TENM1: variants seen among roughly 807,000 people sequenced by gnomAD.
TENM1 encodes the protein teneurin transmembrane protein 1.
TENM1 carries 35 observed loss-of-function variants against 174.8 expected under a neutral mutation model. The observed-to-expected ratio is 0.20, with a 90% confidence interval of 0.15 to 0.27. The LOEUF (loss-of-function observed/expected upper bound fraction) is 0.27. TENM1 is among the 10% of genes least tolerant of loss of function. TENM1 has a pLI of 1.00. For missense variants in TENM1, 1,633 were observed against 2,130.1 expected, an observed-to-expected ratio of 0.77 and a Z score of 4.59; for synonymous variants, 781 against 798.7, an observed-to-expected ratio of 0.98 and a Z score of 0.37.
the TENM1 span, among the ~76,000 whole-genome samples, chrX:125,049,907 G>C: frequency 9.2e-6 from 1 of 109,255 alleles, no homozygotes; most frequent in African/African-American, 3.3e-5. Context: ...ATATATTCTG[G>C]ATATGACTCT....
chrX:124,866,815 G>A (rs1175695468), intron 3 of TENM1, among the ~76,000 whole-genome samples: 2 of 110,877 alleles, frequency 1.8e-5, no homozygotes, highest in African/African-American at 6.5e-5. Context: ...AAAAGGACAC[G>A]TTACAACTTA....
At chrX:125,131,094 AT>A in the TENM1 span, among the ~76,000 whole-genome samples, 1 of 112,114 alleles carries the variant, frequency 8.9e-6, no homozygotes, top group African/African-American at 3.2e-5. Context: ...AATTCACTTC[AT>A]TTTGACAAAC....
At chrX:124,564,627 C>A (rs2148170895) in intron 12 of TENM1, among the ~76,000 whole-genome samples, 1 of 111,680 alleles carries the variant, frequency 9.0e-6, no homozygotes, top group African/African-American at 3.2e-5. Context: ...TGCATAGAAA[C>A]CTTAGCGGTG....
the TENM1 span, among the ~76,000 whole-genome samples, chrX:125,142,410 G>C: frequency 9.0e-6 from 1 of 111,260 alleles, no homozygotes; most frequent in Non-Finnish European, 1.9e-5. Flanking sequence ...ACTCCACAGA[G>C]GTTCTTGAAG....
chrX:124,739,748 T>C (rs2053758233), intron 3 of TENM1, among the ~76,000 whole-genome samples: 1 of 112,504 alleles, frequency 8.9e-6, no homozygotes, highest in South Asian at 3.7e-4. Context: ...TCTCCCAAAA[T>C]AGACTGCATG....
chrX:124,782,653 G>T (rs377066056), intron 3 of TENM1, among the ~76,000 whole-genome samples: 3 of 108,257 alleles, frequency 2.8e-5, no homozygotes, highest in South Asian at 8.3e-4. Flanking sequence ...GATTCTCTTT[G>T]TCAGAATCAA....
intron 3 of TENM1, among the ~76,000 whole-genome samples, chrX:124,758,935 A>T (rs910400598): frequency 9.0e-6 from 1 of 111,708 alleles, no homozygotes; most frequent in African/African-American, 3.3e-5. Context: ...GCAAGATGAA[A>T]AGGTTCCAGA....
intron 23 of TENM1, among the ~76,000 whole-genome samples, chrX:124,444,769 A>G (rs950870687): frequency 1.8e-5 from 2 of 111,203 alleles, no homozygotes; most frequent in Non-Finnish European, 3.8e-5. Flanking sequence ...TCTGGAAGCC[A>G]TGGTGGCTTC....
At chrX:124,849,607 A>C in intron 3 of TENM1, among the ~76,000 whole-genome samples, 1 of 111,129 alleles carries the variant, frequency 9.0e-6, no homozygotes. Context: ...AATTCTGCCA[A>C]GAAGAGCATC....
chrX:124,724,238 T>C (rs1303677573), intron 4 of TENM1, among the ~76,000 whole-genome samples: 2 of 112,141 alleles, frequency 1.8e-5, no homozygotes, highest in African/African-American at 6.5e-5. Context: ...TGTAGTTCTC[T>C]GCTCACTTAC....
chrX:124,804,512 A>C (rs1000554009), intron 3 of TENM1, among the ~76,000 whole-genome samples: 4 of 111,863 alleles, frequency 3.6e-5, no homozygotes, highest in Non-Finnish European at 5.6e-5. Context: ...GATATTCTAA[A>C]TCACTGCAGT....
At chrX:124,532,426 T>C (rs917609423) in intron 15 of TENM1, among the ~76,000 whole-genome samples, 4 of 111,846 alleles carry the variant, frequency 3.6e-5, no homozygotes, top group Non-Finnish European at 7.5e-5. Flanking sequence ...CTCATAAAAG[T>C]TATCATTATT....
At chrX:124,651,454 G>A (rs923767529) in intron 8 of TENM1, among the ~76,000 whole-genome samples, 2 of 111,888 alleles carry the variant, frequency 1.8e-5, no homozygotes, top group Non-Finnish European at 3.8e-5. Context: ...ATAATCTTAT[G>A]TTGTATTTTA....
At chrX:125,189,707 G>T in the TENM1 span, among the ~76,000 whole-genome samples, 1 of 111,947 alleles carries the variant, frequency 8.9e-6, no homozygotes, top group African/African-American at 3.2e-5. Flanking sequence ...ACATAAATTG[G>T]AGGTGAGCAG....
intron 5 of TENM1, among the ~76,000 whole-genome samples, chrX:124,677,449 A>C (rs2052117048): frequency 9.0e-6 from 1 of 111,386 alleles, no homozygotes; most frequent in Admixed American, 9.6e-5. Context: ...TACAGTGGTA[A>C]AGTGGCTTTG....
the TENM1 span, among the ~76,000 whole-genome samples, chrX:125,106,110 G>T: frequency 9.0e-6 from 1 of 111,705 alleles, no homozygotes; most frequent in Non-Finnish European, 1.9e-5. Flanking sequence ...TCAGGTTTCA[G>T]CTCAAATGTT....
rs541300381 is a variant in TENM1, at chrX:124,713,272, T to A, written c.777-8021A>T. ...TTACTATCGTGATTTGCAAAAAAAA[T>A]TTTTTTTTTTTTTGAGATGGAGTTT... On this transcript the variant is annotated intron_variant, in intron 4 of 31. Coordinates refer to ENST00000422452, the Ensembl canonical transcript of TENM1. 6.0e-4 allele frequency among the ~76,000 whole-genome samples: 61 copies of A among 102,423 alleles called. No individual in the cohort carries two copies. In the South Asian group the frequency reaches 0.017, roughly 28 times the overall value. 88.9% of individuals were successfully genotyped at this position (102,423 alleles called of 115,157 possible). A position where few individuals can be genotyped will look rare whatever the true frequency, so the allele number is the denominator to read the frequency against.
chrX:124,917,323 A>C (rs755014109), intron 1 of TENM1, among the ~76,000 whole-genome samples: 19 of 111,892 alleles, frequency 1.7e-4, no homozygotes, highest in African/African-American at 5.8e-4. Context: ...AGCCAAAAAA[A>C]CTTTTTTTTT....
At chrX:124,850,744 C>T (rs1271920237) in intron 3 of TENM1, among the ~76,000 whole-genome samples, 2 of 109,581 alleles carry the variant, frequency 1.8e-5, no homozygotes, top group South Asian at 3.9e-4. Context: ...CTAATCTCAG[C>T]GGATAATAAT....
Sources: gnomAD v4.1 joint callset for allele counts (sites outside exome capture counted in the v4.1 genomes callset) on GRCh38, gnomAD v4.1.1 for gene constraint, MANE v1.5 for transcripts, NCBI Gene and HGNC (gene_info 2026-07-23, HGNC 2026-07-21) for gene names.